DLG2: variants seen among roughly 807,000 people sequenced by gnomAD.
DLG2 encodes the protein discs large MAGUK scaffold protein 2, also known as disks large homolog 2.
In DLG2, 45 loss-of-function variants were observed where a neutral mutation model predicts 132.5. The observed-to-expected ratio is 0.34, with a 90% CI of 0.27 to 0.44. The LOEUF is 0.44. DLG2 is among the 20% of genes least tolerant of loss of function. The probability of loss-of-function intolerance (pLI) is 1.00; values close to 1 mark genes in which losing one functional copy is unlikely to be tolerated. For synonymous variants in DLG2, 424 were observed against 419.6 expected, an observed-to-expected ratio of 1.01 and a Z score of -0.13; for missense variants, 1,045 against 1,196.9, an observed-to-expected ratio of 0.87 and a Z score of 1.87.
intron 3 of DLG2, among the ~76,000 whole-genome samples, chr11:85,546,658 T>G (rs938942993): frequency 6.6e-6 from 1 of 152,176 alleles, no homozygotes; most frequent in East Asian, 1.9e-4. Context: ...GAACTTGTTT[T>G]ATGAATCTGG....
Position 84,271,903 on chromosome 11 carries a change from G to T in DLG2, c.520-20612C>A, listed in dbSNP as rs188715666. On this transcript the variant is annotated intron_variant, in intron 7 of 27. Coordinates refer to ENST00000376104, the MANE Select transcript of DLG2 (RefSeq NM_001142699.3). The stretch of plus-strand genomic sequence containing the variant: ...CCTGGCAAGGGATGGCTCCGTGAAC[G>T]AGGAAATACTTGAGGTCCACAAGGA... Among the ~76,000 whole-genome samples, 960 of 135,374 alleles carry T rather than the reference G, an allele frequency of 7.1e-3. 15 individuals are homozygous for T. Among genetic ancestry groups the T allele is most frequent in the African/African-American group, 0.025 (870 of 35,300 alleles). 88.8% of individuals were successfully genotyped at this position (135,374 alleles called of 152,430 possible).
chr11:85,300,698 T>C (rs1596058918), intron 3 of DLG2, among the ~76,000 whole-genome samples: 2 of 152,152 alleles, frequency 1.3e-5, no homozygotes, highest in East Asian at 3.8e-4. Flanking sequence ...TGTCAGTGAA[T>C]ATCAGGCCTA....
chr11:83,592,634 T>C (rs1375504137), intron 19 of DLG2, among the ~76,000 whole-genome samples: 2 of 150,536 alleles, frequency 1.3e-5, no homozygotes, highest in African/African-American at 2.4e-5. Context: ...AAAGACAAAA[T>C]TGACAAATGG....
chr11:84,789,548 T>A (rs1428661431), intron 6 of DLG2, among the ~76,000 whole-genome samples: 4 of 152,180 alleles, frequency 2.6e-5, no homozygotes, highest in Admixed American at 1.3e-4. Flanking sequence ...CTTTATCCCT[T>A]GTGTTACAAA....
chr11:84,781,786 A>G (rs1055454364), intron 6 of DLG2, among the ~76,000 whole-genome samples: 16 of 152,152 alleles, frequency 1.1e-4, no homozygotes, highest in African/African-American at 3.9e-4. Context: ...GTAGTATGGA[A>G]GGAAACAAGA....
At chr11:84,307,868 GGTGA>G (rs1242735043) in intron 7 of DLG2, among the ~76,000 whole-genome samples, 4 of 151,916 alleles carry the variant, frequency 2.6e-5, no homozygotes, top group Non-Finnish European at 5.9e-5. Flanking sequence ...GGACCTTCGC[GGTGA>G]GTGTTACAGC....
intron 19 of DLG2, among the ~76,000 whole-genome samples, chr11:83,581,174 C>G (rs750348202): frequency 1.3e-5 from 2 of 151,948 alleles, no homozygotes; most frequent in African/African-American, 4.8e-5. Flanking sequence ...GTTGGTGACA[C>G]ACAACTCTAA....
intron 6 of DLG2, among the ~76,000 whole-genome samples, chr11:84,708,627 T>A (rs978333860): frequency 6.6e-6 from 1 of 151,812 alleles, no homozygotes; most frequent in Non-Finnish European, 1.5e-5. Context: ...AAAACAGGCA[T>A]CCGGTTTCTA....
chr11:84,966,272 A>G (rs888909762), intron 6 of DLG2, among the ~76,000 whole-genome samples: 3 of 151,980 alleles, frequency 2.0e-5, no homozygotes, highest in Non-Finnish European at 4.4e-5. Flanking sequence ...AACATACCCC[A>G]GTTAGTATTA....
At chr11:84,760,856 G>C (rs1417723383) in intron 6 of DLG2, among the ~76,000 whole-genome samples, 1 of 152,072 alleles carries the variant, frequency 6.6e-6, no homozygotes, top group African/African-American at 2.4e-5. Context: ...AGCAGAGACC[G>C]GCAGCTACGT....
intron 7 of DLG2, among the ~76,000 whole-genome samples, chr11:84,420,730 G>A (rs1374519507): frequency 7.7e-6 from 1 of 130,150 alleles, no homozygotes; most frequent in Non-Finnish European, 1.6e-5. Flanking sequence ...GTGCAGTGGC[G>A]GGATCTCGGC....
At chr11:83,966,110 T>C (rs2090137297) in intron 12 of DLG2, among the ~76,000 whole-genome samples, 1 of 152,034 alleles carries the variant, frequency 6.6e-6, no homozygotes, top group Admixed American at 6.6e-5. Flanking sequence ...ACTCTGATAA[T>C]ATTTCTTTGA....
chr11:85,332,317 T>C (rs1424362508), intron 3 of DLG2, among the ~76,000 whole-genome samples: 3 of 152,162 alleles, frequency 2.0e-5, no homozygotes, highest in Non-Finnish European at 4.4e-5. Context: ...AGGTTGTCTG[T>C]TTCTTGCTTG....
In DLG2 at chr11:84,291,884, T is replaced by TTATCTTCAA. The variant is rs150658431; in HGVS notation, c.520-40602_520-40594dup. On this transcript the variant is annotated intron_variant, in intron 7 of 27. Transcript: ENST00000376104. The stretch of plus-strand genomic sequence containing the variant: ...TTTAGTAGGGAATCATCAAAGTAGG[T>TTATCTTCAA]TATCTTCAATAGTTTCTTTTAAGTA... 8.8e-3 allele frequency among the ~76,000 whole-genome samples: 1,335 copies of TTATCTTCAA among 152,322 alleles called. 18 individuals carry two copies. The highest frequency in any genetic ancestry group is 0.029 in the African/African-American group (1,201 of 41,560).
chr11:85,536,018 C>A (rs1318343350), intron 3 of DLG2, among the ~76,000 whole-genome samples: 1 of 151,808 alleles, frequency 6.6e-6, no homozygotes, highest in Non-Finnish European at 1.5e-5. Context: ...GAGTTAGAGA[C>A]CAAACTGGGC....
At chr11:83,807,675 C>T (rs941358951) in intron 17 of DLG2, among the ~76,000 whole-genome samples, 3 of 152,000 alleles carry the variant, frequency 2.0e-5, no homozygotes, top group African/African-American at 7.2e-5. Context: ...TGTTTGTGAC[C>T]AAGAATTTAA....
chr11:85,312,116 C>A (rs2080352366), intron 3 of DLG2, among the ~76,000 whole-genome samples: 1 of 151,920 alleles, frequency 6.6e-6, no homozygotes, highest in African/African-American at 2.4e-5. Flanking sequence ...TCTGTACATT[C>A]CTCTATAGTA....
At chr11:84,838,599 A>T (rs2154004524) in intron 6 of DLG2, among the ~76,000 whole-genome samples, 1 of 152,082 alleles carries the variant, frequency 6.6e-6, no homozygotes, top group East Asian at 1.9e-4. Flanking sequence ...TAATCCCTAG[A>T]AACTCTGGCA....
At chr11:85,116,109 A>C (rs950789951) in intron 5 of DLG2, among the ~76,000 whole-genome samples, 2 of 152,156 alleles carry the variant, frequency 1.3e-5, no homozygotes, top group Non-Finnish European at 1.5e-5. Flanking sequence ...GAGCAGAACT[A>C]AGTGGCTTTT....
Sources: gnomAD v4.1 joint callset for allele counts (sites outside exome capture counted in the v4.1 genomes callset) on GRCh38, gnomAD v4.1.1 for gene constraint, MANE v1.5 for transcripts, NCBI Gene and HGNC (gene_info 2026-07-23, HGNC 2026-07-21) for gene names.